Variants in ITCH observed in about 807,000 individuals in gnomAD.
ITCH encodes E3 ubiquitin-protein ligase Itchy homolog.
In ITCH, 28 loss-of-function variants were observed where a neutral mutation model predicts 126.8. The observed-to-expected ratio is 0.22, with a 90% CI of 0.16 to 0.30. The LOEUF (loss-of-function observed/expected upper bound fraction) is 0.30, where lower values mean the gene tolerates loss of function less well. Ranked by LOEUF, ITCH falls within the 10% of genes least tolerant of loss-of-function variation. ITCH has a pLI of 1.00. For synonymous variants in ITCH, 342 were observed against 340.0 expected (o/e 1.01, Z -0.06); for missense variants, 631 against 1,032.4 (o/e 0.61, Z 5.33).
At position 34,396,037 on chromosome 20, in the gene ITCH, T is replaced by TA. The variant is rs111359422; in HGVS notation, c.70+2156_70+2157insA. ...AATTCCAAATTATTATTATTATTAT[T>TA]TTTTTTTTTTTTTGGAGACAGAGTT... On this transcript the variant is annotated intron_variant, in intron 3 of 24. Coordinates refer to ENST00000374864, the MANE Select transcript of ITCH (RefSeq NM_031483.7). 3.9e-3 allele frequency among the ~76,000 whole-genome samples: 563 copies of TA among 145,028 alleles called. 3 individuals are homozygous for TA. The highest frequency in any genetic ancestry group is 0.013 in the African/African-American group (509 of 38,610).
intron 12 of ITCH, among the ~76,000 whole-genome samples, chr20:34,450,358 A>G (rs574818381): frequency 7.2e-5 from 11 of 152,348 alleles, no homozygotes; most frequent in African/African-American, 2.2e-4. Context: ...AGTTTGGTTA[A>G]GTTGGCATTA....
At chr20:34,475,270 T>C (rs1240650307) in intron 16 of ITCH, among the ~76,000 whole-genome samples, 1 of 152,106 alleles carries the variant, frequency 6.6e-6, no homozygotes, top group African/African-American at 2.4e-5. Context: ...GGGCAGAGGC[T>C]GCAATCTCGG....
chr20:34,489,655 G>A (rs1028542807), intron 21 of ITCH, among the ~76,000 whole-genome samples, 167 bp from the exon 22 acceptor site: 3 of 152,200 alleles, frequency 2.0e-5, no homozygotes, highest in Non-Finnish European at 4.4e-5. Flanking sequence ...CACCGTGCAT[G>A]GAACCTTGCC....
chr20:34,449,977 T>C (rs1984989322), intron 12 of ITCH, among the ~76,000 whole-genome samples: 1 of 152,218 alleles, frequency 6.6e-6, no homozygotes. Flanking sequence ...TTTTACGTGA[T>C]GATGATGATT....
At chr20:34,463,533 G>T (rs1986737024) in intron 14 of ITCH, among the ~76,000 whole-genome samples, 1 of 151,572 alleles carries the variant, frequency 6.6e-6, no homozygotes, top group African/African-American at 2.4e-5. Context: ...CTGTTTTTCA[G>T]TGTCTGTGCC....
chr20:34,445,260 GTTTTT>G, intron 10 of ITCH, 22 bp from the exon 11 acceptor site: 2 of 1,435,876 alleles, frequency 1.4e-6, no homozygotes, highest in Non-Finnish European at 9.3e-7. Flanking sequence ...GAATTAGCTT[GTTTTT>G]TTTTTTTTTT....
chr20:34,421,058 A>G (rs1174275515), intron 6 of ITCH, among the ~76,000 whole-genome samples: 1 of 152,160 alleles, frequency 6.6e-6, no homozygotes, highest in Non-Finnish European at 1.5e-5. Flanking sequence ...GGCCCTCTGG[A>G]TAACCCAGTT....
At chr20:34,412,792 A>C (rs1249453639) in intron 5 of ITCH, among the ~76,000 whole-genome samples, 153 bp downstream of exon 5, 1 of 152,200 alleles carries the variant, frequency 6.6e-6, no homozygotes, top group African/African-American at 2.4e-5. Context: ...TACACTATTG[A>C]AAGTATTCTG....
rs780578824 is a variant in ITCH, at chr20:34,457,441, G to A, written c.1262G>A (p.Arg421Gln). ...GRVYFVNHNT[R>Q]ITQWEDPRSQ... ...GTATATTTCGTCAACCACAACACACGAATTACACAATGGGAAGACCCCAGA... is the reference window on the plus strand; with the variant it reads ...GTATATTTCGTCAACCACAACACACAAATTACACAATGGGAAGACCCCAGA... Residue 421 changes from arginine (R) to glutamine (Q), a missense_variant, in exon 13 of 25, where the codon CGA becomes CAA. Physicochemically the swap from Arg to Gln is conservative, Grantham distance 43 (BLOSUM62 1). Transcript: ENST00000374864. 7 of 1,613,382 alleles carry A rather than the reference G, an allele frequency of 4.3e-6. No individual in the cohort carries two copies. Among genetic ancestry groups the A allele is most frequent in the East Asian group, 2.2e-5 (1 of 44,856 alleles).
At chr20:34,410,055 CA>C (rs59652271) in intron 4 of ITCH, among the ~76,000 whole-genome samples, 79 of 142,236 alleles carry the variant, frequency 5.6e-4, no homozygotes, top group Middle Eastern at 3.5e-3. Context: ...AAAAGACAAA[CA>C]AAAAAAAAAA....
intron 4 of ITCH, among the ~76,000 whole-genome samples, chr20:34,409,959 G>A (rs1978747486): frequency 6.6e-6 from 1 of 151,706 alleles, no homozygotes; most frequent in Non-Finnish European, 1.5e-5. Context: ...GAGGCCAGGA[G>A]TTCAAAGGTG....
chr20:34,495,495 A>G (rs962216415), intron 23 of ITCH, among the ~76,000 whole-genome samples: 2 of 151,782 alleles, frequency 1.3e-5, no homozygotes, highest in Non-Finnish European at 2.9e-5. Flanking sequence ...TTGTACTTCT[A>G]TGAGATCGGC....
intron 20 of ITCH, among the ~76,000 whole-genome samples, chr20:34,488,395 ACAAATACT>A (rs1223051723): frequency 6.6e-6 from 1 of 152,126 alleles, no homozygotes; most frequent in Admixed American, 6.5e-5. Flanking sequence ...TGTCGTAGAG[ACAAATACT>A]GAAGTATTTG....
chr20:34,380,321 G>C (rs1381467621), intron 2 of ITCH, among the ~76,000 whole-genome samples: 3 of 151,966 alleles, frequency 2.0e-5, no homozygotes, highest in Non-Finnish European at 4.4e-5. Context: ...GACTGAATAG[G>C]CTCAAGTACA....
intron 20 of ITCH, among the ~76,000 whole-genome samples, chr20:34,482,308 A>G (rs1186941029): frequency 3.3e-5 from 5 of 152,194 alleles, no homozygotes; most frequent in Admixed American, 2.0e-4. Context: ...CATTAACTCA[A>G]AAGTCCACAG....
intron 2 of ITCH, among the ~76,000 whole-genome samples, chr20:34,373,624 G>A (rs1480065972): frequency 1.3e-5 from 2 of 151,996 alleles, no homozygotes; most frequent in African/African-American, 4.8e-5. Flanking sequence ...GACTTATGGT[G>A]AAAAAGCAAT....
intron 7 of ITCH, among the ~76,000 whole-genome samples, chr20:34,428,119 T>A (rs1485673755): frequency 2.6e-5 from 4 of 152,216 alleles, no homozygotes; most frequent in African/African-American, 9.6e-5. Context: ...GTGCATCAGC[T>A]TTTATTCCAG....
chr20:34,460,373 T>TG lies in ITCH; in HGVS notation c.1296-1717dup, dbSNP rs1214274431. Among the ~76,000 whole-genome samples the TG allele has an allele frequency of 3.3e-5, 5 of 150,388 alleles. No individual in the cohort carries two copies. In the East Asian group the frequency reaches 5.8e-4, roughly 18 times the overall value. On this transcript the variant is annotated intron_variant, in intron 13 of 24. Coordinates refer to ENST00000374864, the MANE Select transcript of ITCH (RefSeq NM_031483.7). ...CCAGCTTTTTTTTTTTTTTTTTTTT[T>TG]GGGTAGAGACGGTGTCTCTATGTTG... is the stretch of plus-strand genomic sequence containing the variant.
chr20:34,419,336 A>G (rs190708516), intron 6 of ITCH, among the ~76,000 whole-genome samples: 137 of 152,228 alleles, frequency 9.0e-4, no homozygotes, highest in African/African-American at 3.1e-3. Context: ...TTTTCTTCCT[A>G]TATTATTCCT....
Sources: allele counts gnomAD v4.1 joint callset (sites outside exome capture counted in the v4.1 genomes callset), GRCh38; gene constraint gnomAD v4.1.1; transcripts MANE v1.5; gene names NCBI Gene and HGNC (gene_info 2026-07-23, HGNC 2026-07-21).